PIP5K1B: variants seen among roughly 807,000 people sequenced by gnomAD.
The protein encoded by PIP5K1B is phosphatidylinositol 4-phosphate 5-kinase type-1 beta.
PIP5K1B carries 42 observed loss-of-function variants against 67.0 expected under a neutral mutation model. That is an observed-to-expected ratio of 0.63 (90% confidence interval 0.49 to 0.81). The LOEUF (loss-of-function observed/expected upper bound fraction) is 0.81. PIP5K1B is among the 30% of genes least tolerant of loss of function. PIP5K1B has a pLI of 0.00. For missense variants in PIP5K1B, 459 were observed against 646.3 expected, an observed-to-expected ratio of 0.71 and a Z score of 3.14; for synonymous variants, 214 against 231.4, an observed-to-expected ratio of 0.92 and a Z score of 0.68.
intron 14 of PIP5K1B, among the ~76,000 whole-genome samples, chr9:68,976,372 C>G (rs1829630735): frequency 6.6e-6 from 1 of 152,178 alleles, no homozygotes; most frequent in African/African-American, 2.4e-5. Flanking sequence ...GCTAGCAAGA[C>G]CTGATCAAAT....
rs749375916 is a variant in PIP5K1B at position 68,940,823 on chromosome 9, G to C, written c.1502+33G>C. 5 of 1,603,392 alleles carry C rather than the reference G, an allele frequency of 3.1e-6. No individual in the cohort carries two copies. In the South Asian group the frequency reaches 5.5e-5, roughly 18 times the overall value. On this transcript the variant is annotated intron_variant, in intron 14 of 15. Transcript: ENST00000265382. ...TTAGTGCAGTCAAATAACCCATCAG[G>C]CTGTTACCACATCAACATCAGGCCT...
chr9:68,851,871 C>G (rs1432050205), intron 4 of PIP5K1B, among the ~76,000 whole-genome samples: 1 of 152,246 alleles, frequency 6.6e-6, no homozygotes, highest in Non-Finnish European at 1.5e-5. Context: ...AGAGCCGGCC[C>G]TCCTTGCATC....
rs1436648363 is a variant in PIP5K1B, at chr9:68,890,781, T to A, written c.471+1648T>A. 2.0e-5 allele frequency among the ~76,000 whole-genome samples: 3 copies of A among 152,104 alleles called. No homozygotes were observed. In the East Asian group the frequency reaches 5.8e-4, roughly 29 times the overall value. ...GTATATGCTTTCAGTTATTCTTTGT[T>A]CATGCACACATTTTAAAATTATCTA... is the stretch of plus-strand genomic sequence containing the variant. On this transcript the variant is annotated intron_variant, in intron 7 of 15. Transcript: ENST00000265382.
intron 1 of PIP5K1B, among the ~76,000 whole-genome samples, chr9:68,709,873 G>A (rs1827301819): frequency 6.6e-6 from 1 of 152,184 alleles, no homozygotes; most frequent in African/African-American, 2.4e-5. Context: ...TCGCACCACT[G>A]TACTCTAGCC....
At chr9:68,879,918 A>G (rs904255571) in intron 6 of PIP5K1B, among the ~76,000 whole-genome samples, 25 of 152,362 alleles carry the variant, frequency 1.6e-4, no homozygotes, top group Non-Finnish European at 2.6e-4. Context: ...TCCACAATGT[A>G]TACATGTATC....
chr9:68,847,413 TTGTGTGTGTGTGTGTGTGTG>T (rs777818994), intron 4 of PIP5K1B, among the ~76,000 whole-genome samples: 22 of 101,616 alleles, frequency 2.2e-4, no homozygotes, highest in South Asian at 8.3e-4. Context: ...AGCAGTGGTT[TTGTGTGTGTGTGTGTGTGTG>T]TGTGTGTGTG....
At chr9:68,804,843 G>A (rs1242377903) in intron 2 of PIP5K1B, among the ~76,000 whole-genome samples, 1 of 152,204 alleles carries the variant, frequency 6.6e-6, no homozygotes, top group Admixed American at 6.5e-5. Flanking sequence ...GTTACTTGGA[G>A]TTGTTGGAAG....
At chr9:68,750,833 C>T (rs572416387) in intron 2 of PIP5K1B, among the ~76,000 whole-genome samples, 4 of 152,262 alleles carry the variant, frequency 2.6e-5, no homozygotes, top group African/African-American at 9.6e-5. Flanking sequence ...TTAGAGGGGA[C>T]AGTTTTTAAT....
chr9:68,920,521 C>T lies in PIP5K1B; in HGVS notation c.1116+792C>T, dbSNP rs113284378. On this transcript the variant is annotated intron_variant, in intron 11 of 15. Transcript: ENST00000265382. ...TAGCTGGGACAACAGGTGCGTGCCA[C>T]GACGCCTGGCTAATTTTTGTACTTT... Among the ~76,000 whole-genome samples the T allele has an allele frequency of 1.2e-3, 183 of 151,784 alleles. 1 individual carries two copies. The highest frequency in any genetic ancestry group is 4.0e-3 in the African/African-American group (164 of 41,362).
chr9:68,711,018 A>G (rs1158839164), intron 1 of PIP5K1B, among the ~76,000 whole-genome samples: 2 of 152,238 alleles, frequency 1.3e-5, no homozygotes, highest in Admixed American at 6.5e-5. Flanking sequence ...CTAGGGGTCC[A>G]GAGATTATAA....
intron 14 of PIP5K1B, chr9:68,965,524 A>G (rs111603686): frequency 2.0e-5 from 3 of 152,336 alleles, no homozygotes; most frequent in African/African-American, 7.2e-5. Flanking sequence ...GAACAATGAT[A>G]TAAATGTAGT....
At chr9:68,997,639 T>C (rs1206639178) in intron 15 of PIP5K1B, among the ~76,000 whole-genome samples, 2 of 152,192 alleles carry the variant, frequency 1.3e-5, no homozygotes, top group Non-Finnish European at 2.9e-5. Flanking sequence ...CCAGAAATGC[T>C]TGGCCCCTAA....
chr9:68,928,638 T>C (rs2132572890), intron 12 of PIP5K1B, among the ~76,000 whole-genome samples: 1 of 152,356 alleles, frequency 6.6e-6, no homozygotes, highest in South Asian at 2.1e-4. Context: ...TTGAATAAGA[T>C]ATTTCACTTC....
intron 15 of PIP5K1B, among the ~76,000 whole-genome samples, chr9:69,002,871 T>C (rs1014459854): frequency 1.3e-5 from 2 of 152,104 alleles, no homozygotes; most frequent in Non-Finnish European, 2.9e-5. Context: ...TAATCCCAGC[T>C]ACTTAGGAGG....
intron 2 of PIP5K1B, among the ~76,000 whole-genome samples, chr9:68,804,048 G>A (rs1832737787): frequency 3.9e-5 from 6 of 152,166 alleles, no homozygotes; most frequent in Admixed American, 3.9e-4. Context: ...GCCTCCATGA[G>A]CGTGTGGAGG....
intron 13 of PIP5K1B, among the ~76,000 whole-genome samples, chr9:68,935,457 G>A (rs1007358753): frequency 6.6e-6 from 1 of 152,120 alleles, no homozygotes; most frequent in African/African-American, 2.4e-5. Context: ...AACAGAGCAA[G>A]ACTCTGTCCC....
intron 5 of PIP5K1B, among the ~76,000 whole-genome samples, chr9:68,870,020 C>G (rs1381462457): frequency 6.6e-6 from 1 of 152,086 alleles, no homozygotes; most frequent in African/African-American, 2.4e-5. Context: ...TGTCTTTGTT[C>G]AGCGTGTATT....
At chr9:68,988,952 GGA>G (rs1490121619) in intron 14 of PIP5K1B, among the ~76,000 whole-genome samples, 2 of 151,712 alleles carry the variant, frequency 1.3e-5, no homozygotes, top group Non-Finnish European at 2.9e-5. Flanking sequence ...AAAATTAGCG[GGA>G]CGTGGTGGCG....
intron 15 of PIP5K1B, among the ~76,000 whole-genome samples, chr9:69,000,003 C>G (rs1830748763): frequency 6.6e-6 from 1 of 152,288 alleles, no homozygotes; most frequent in African/African-American, 2.4e-5. Context: ...CTTACTCTGA[C>G]AGGCCCAGCT....
Sources: gnomAD v4.1 joint callset for allele counts (sites outside exome capture counted in the v4.1 genomes callset) on GRCh38, gnomAD v4.1.1 for gene constraint, MANE v1.5 for transcripts, NCBI Gene and HGNC (gene_info 2026-07-23, HGNC 2026-07-21) for gene names.